The following XPNPEP1 variants were observed in gnomAD, a reference collection of about 807,000 sequenced individuals.
XPNPEP1 encodes the protein xaa-Pro aminopeptidase 1.
XPNPEP1 carries 39 observed loss-of-function variants against 92.4 expected under a neutral mutation model. The ratio of observed to expected loss-of-function variants is 0.42; its 90% CI spans 0.33 to 0.55. XPNPEP1 has a LOEUF of 0.55. Among genes scored for constraint, XPNPEP1 ranks in the 20% least tolerant of loss-of-function variants. XPNPEP1 has a pLI of 0.08. For synonymous variants in XPNPEP1, 307 were observed against 299.4 expected, an observed-to-expected ratio of 1.03 and a Z score of -0.26; for missense variants, 654 against 856.1, an observed-to-expected ratio of 0.76 and a Z score of 2.95.
rs759432545 is a variant in XPNPEP1, at chr10:109,888,578, T to C, written c.433A>G (p.Thr145Ala). 9.3e-6 allele frequency: 15 copies of C among 1,608,550 alleles called. No individual in the cohort carries two copies. The South Asian group carries it at 1.4e-4, about 16-fold the overall frequency. ...LMKMGLKDTP[T>A]QEDWLVSVLP... ...ACACTCACCAGCCAGTCTTCCTGAG[T>C]TGGTGTGTCCTTCAGACCTACAGGG... Residue 145 changes from threonine to alanine, a missense_variant, in exon 6 of 21, where the codon ACT becomes GCT. Thr to Ala is a moderately conservative substitution (Grantham distance 58). Coordinates refer to ENST00000502935, the MANE Select transcript of XPNPEP1 (RefSeq NM_020383.4).
intron 2 of XPNPEP1, among the ~76,000 whole-genome samples, chr10:109,914,372 T>C (rs1048357099): frequency 1.3e-5 from 2 of 152,176 alleles, no homozygotes; most frequent in African/African-American, 4.8e-5. Context: ...AAGGACTATA[T>C]TAGAGAAATA....
At chr10:109,921,041 A>G (rs1438425939) in intron 1 of XPNPEP1, among the ~76,000 whole-genome samples, 1 of 152,244 alleles carries the variant, frequency 6.6e-6, no homozygotes, top group Non-Finnish European at 1.5e-5. Context: ...AAGCAGCTCA[A>G]TACTACAGCT....
In XPNPEP1 at chr10:109,865,417, G is replaced by C. The variant is rs560957343; in HGVS notation, c.1873-105C>G. On this transcript the variant is annotated intron_variant, in intron 20 of 20. Transcript: ENST00000502935. ...CCCATGTGCTAAGATCACAAGCTGA[G>C]AGAAAAGGTGTGCAACACCCTTTCT... 3 of 1,468,352 alleles carry C rather than the reference G, an allele frequency of 2.0e-6. 1 individual carries two copies. In the South Asian group the frequency reaches 3.6e-5, roughly 18 times the overall value. The allele number at this position is 1,468,352 out of a possible 1,614,324, so 91.0% of individuals were successfully genotyped here.
intron 1 of XPNPEP1, among the ~76,000 whole-genome samples, chr10:109,918,141 C>T (rs1850291804): frequency 1.3e-5 from 2 of 151,818 alleles, no homozygotes; most frequent in South Asian, 4.2e-4. Flanking sequence ...AACAAAAAAG[C>T]CCAGGCACAA....
intron 16 of XPNPEP1, 92 bp from the exon 17 acceptor site, chr10:109,871,953 G>T: frequency 7.8e-7 from 1 of 1,289,570 alleles, no homozygotes; most frequent in Non-Finnish European, 1.1e-6. Context: ...GCCTGCTAAA[G>T]TTTTTAGCAA....
chr10:109,907,628 A>G, intron 3 of XPNPEP1, 63 bp downstream of exon 3: 1 of 1,604,788 alleles, frequency 6.2e-7, no homozygotes, highest in Non-Finnish European at 8.5e-7. Context: ...AGAATCCTAC[A>G]AACACATTAG....
At chr10:109,904,277 C>A (rs1455149818) in intron 3 of XPNPEP1, among the ~76,000 whole-genome samples, 1 of 150,254 alleles carries the variant, frequency 6.7e-6, no homozygotes, top group South Asian at 2.1e-4. Flanking sequence ...CATGCCACCA[C>A]CCCGATTCCA....
At chr10:109,871,034 G>T in intron 17 of XPNPEP1, 130 bp from the exon 18 acceptor site, 2 of 1,033,028 alleles carry the variant, frequency 1.9e-6, no homozygotes, top group Non-Finnish European at 1.4e-6. Context: ...TTTCAGCACA[G>T]CACAAGGAAG....
At chr10:109,897,108 A>T (rs1849030491) in intron 3 of XPNPEP1, among the ~76,000 whole-genome samples, 1 of 152,244 alleles carries the variant, frequency 6.6e-6, no homozygotes, top group African/African-American at 2.4e-5. Context: ...GCTCCTACTC[A>T]GCTCTGATTT....
intron 9 of XPNPEP1, chr10:109,883,653 G>A (rs59919304): frequency 1.9e-5 from 3 of 160,090 alleles, no homozygotes; most frequent in Admixed American, 6.4e-5. Context: ...AAGGCCACAC[G>A]AAATGCTTTG....
At chr10:109,896,433 CT>C (rs11419765) in intron 3 of XPNPEP1, among the ~76,000 whole-genome samples, 28 of 121,744 alleles carry the variant, frequency 2.3e-4, no homozygotes, top group Admixed American at 1.8e-4. Flanking sequence ...AGGCACACAC[CT>C]TTTTTTTTTT....
intron 7 of XPNPEP1, among the ~76,000 whole-genome samples, chr10:109,887,616 C>T (rs1275499058): frequency 6.6e-6 from 1 of 152,192 alleles, no homozygotes; most frequent in East Asian, 1.9e-4. Flanking sequence ...GAAACACACC[C>T]ACACCCCAAA....
chr10:109,885,151 T>C (rs1243150280), intron 8 of XPNPEP1, among the ~76,000 whole-genome samples: 1 of 152,176 alleles, frequency 6.6e-6, no homozygotes, highest in Non-Finnish European at 1.5e-5. Context: ...AAGATTTTGA[T>C]GGTAGCATCA....
intron 3 of XPNPEP1, chr10:109,893,321 A>C (rs1848804433): frequency 7.8e-6 from 3 of 385,724 alleles, no homozygotes; most frequent in South Asian, 1.7e-4. Flanking sequence ...GAACCAAAGC[A>C]CATCAGGAGA....
chr10:109,870,916 A>G lies in XPNPEP1; in HGVS notation c.1523-12T>C, dbSNP rs748457827. 7 of 1,611,858 alleles carry G rather than the reference A, an allele frequency of 4.3e-6. No individual in the cohort carries two copies. In the South Asian group the frequency reaches 5.5e-5, roughly 13 times the overall value. ...GTCAAGAAGGTGACCTGAAAGACAT[A>G]AAGAGCCACTTAATTGTATTTGTAC... On this transcript the variant is annotated splice_polypyrimidine_tract_variant and intron_variant, in intron 17 of 20. Coordinates refer to ENST00000502935, the MANE Select transcript of XPNPEP1 (RefSeq NM_020383.4).
intron 4 of XPNPEP1, 146 bp from the exon 5 acceptor site, chr10:109,891,972 T>A: frequency 1.4e-6 from 1 of 690,016 alleles, no homozygotes; most frequent in South Asian, 1.9e-5. Flanking sequence ...AAGAAACCTC[T>A]GGGCAAGAGA....
At chr10:109,871,759 A>T (rs1847491818) in intron 17 of XPNPEP1, 33 bp downstream of exon 17, 3 of 1,594,482 alleles carry the variant, frequency 1.9e-6, no homozygotes, top group African/African-American at 3.0e-5. Context: ...AACAAGAAAA[A>T]GAGCCTGCCA....
chr10:109,883,347 ATTTATCCTT>A (rs1848211413), intron 9 of XPNPEP1, among the ~76,000 whole-genome samples: 1 of 151,586 alleles, frequency 6.6e-6, no homozygotes, highest in African/African-American at 2.4e-5. Context: ...ACTCACCCAC[ATTTATCCTT>A]ACTCTCTGCT....
At chr10:109,890,581 T>TGTGTGTGTGA (rs2133441386) in intron 5 of XPNPEP1, among the ~76,000 whole-genome samples, 1 of 91,222 alleles carries the variant, frequency 1.1e-5, no homozygotes, top group African/African-American at 4.7e-5. Context: ...TGTGTGTGTG[T>TGTGTGTGTGA]GTGTGTGTGT....
Sources: allele counts gnomAD v4.1 joint callset (sites outside exome capture counted in the v4.1 genomes callset), GRCh38; gene constraint gnomAD v4.1.1; transcripts MANE v1.5; gene names NCBI Gene and HGNC (gene_info 2026-07-23, HGNC 2026-07-21).